Variants in EP400 observed in about 807,000 individuals in gnomAD.
EP400 encodes E1A binding protein p400.
In EP400, 105 loss-of-function variants were observed where a neutral mutation model predicts 354.1. The ratio of observed to expected loss-of-function variants is 0.30; its 90% CI spans 0.25 to 0.35. The LOEUF (loss-of-function observed/expected upper bound fraction) is 0.35. Ranked by LOEUF, EP400 falls within the 10% of genes least tolerant of loss-of-function variation. The pLI, the probability that EP400 is intolerant of heterozygous loss-of-function variation, is 1.00. For synonymous variants in EP400, 1,646 were observed against 1,716.9 expected (o/e 0.96, Z 1.02); for missense variants, 3,280 against 4,121.0 (o/e 0.80, Z 5.59).
chr12:131,952,302 C>CAAAAAAAAAA (rs927214848), intron 1 of EP400, among the ~76,000 whole-genome samples: 11 of 47,032 alleles, frequency 2.3e-4, no homozygotes, highest in East Asian at 7.5e-4. Context: ...GACTCTGTCT[C>CAAAAAAAAAA]AAAAAAAAAA....
intron 45 of EP400, among the ~76,000 whole-genome samples, chr12:132,056,130 G>T (rs561374218): frequency 1.3e-5 from 2 of 152,108 alleles, no homozygotes; most frequent in East Asian, 3.9e-4. Flanking sequence ...CTTCTCTTGG[G>T]TGTTTCATCA....
intron 11 of EP400, among the ~76,000 whole-genome samples, 158 bp downstream of exon 11, chr12:131,992,388 T>C (rs1264984121): frequency 6.6e-6 from 1 of 152,218 alleles, no homozygotes; most frequent in Admixed American, 6.5e-5. Context: ...AGAGTACTTT[T>C]TGTATCTCTA....
Position 131,990,314 on chromosome 12 carries a change from G to C in EP400, c.2550+210G>C, listed in dbSNP as rs1892991073. Among the ~76,000 whole-genome samples the C allele has an allele frequency of 6.6e-6, 1 of 152,232 alleles. No homozygotes were observed. Among genetic ancestry groups the C allele is most frequent in the South Asian group, 2.1e-4 (1 of 4,824 alleles). On this transcript the variant is annotated intron_variant, in intron 8 of 52. Coordinates refer to ENST00000389561, the MANE Select transcript of EP400 (RefSeq NM_015409.5). The surrounding 1 kb of genome is among the most constrained non-coding windows in gnomAD (Gnocchi z 4.2). ...CTTGCACAGGGGATGCACCTCAGCT[G>C]TGGCTGCCCTCTGAGGTGCTTCATG...
intron 51 of EP400, 116 bp downstream of exon 51, chr12:132,069,757 C>T (rs376064712): frequency 6.9e-7 from 1 of 1,452,424 alleles, no homozygotes. Context: ...GGGTGGTGCA[C>T]TGGAGGGAAG....
At chr12:131,980,820 G>C (rs188538017) in intron 3 of EP400, among the ~76,000 whole-genome samples, 1 of 152,246 alleles carries the variant, frequency 6.6e-6, no homozygotes, top group East Asian at 1.9e-4. Context: ...CCAAAGTGCT[G>C]GGATTATAAG....
In EP400 at chr12:132,027,892, C is replaced by G; in HGVS notation, c.5110-125C>G. ...ATTTCTATCTCTATTTCCTGTAACA[C>G]AAGACCGGGGATATTGAAGTGGATC... On this transcript the variant is annotated intron_variant, in intron 26 of 52. Transcript: ENST00000389561. The surrounding 1 kb of genome is among the most constrained non-coding windows in gnomAD (Gnocchi z 4.9). The G allele has an allele frequency of 9.7e-7, 1 of 1,030,234 alleles. No homozygotes were observed. Among genetic ancestry groups the G allele is most frequent in the Non-Finnish European group, 1.4e-6 (1 of 711,102 alleles). The allele number at this position is 1,030,234 out of a possible 1,614,324, so 63.8% of individuals were successfully genotyped here. A position where few individuals can be genotyped will look rare whatever the true frequency, so the allele number is the denominator to read the frequency against.
chr12:131,990,741 C>G lies in EP400; in HGVS notation c.2629+27C>G. 2 of 1,535,918 alleles carry G rather than the reference C, an allele frequency of 1.3e-6. No homozygotes were observed. The highest frequency in any genetic ancestry group is 1.8e-6 in the Non-Finnish European group (2 of 1,118,184). The stretch of plus-strand genomic sequence containing the variant: ...TAGGACCCTTTAAAAAAAGGCTCAC[C>G]ACGCTTGGGTGGTATTTTGTTCGGA... On this transcript the variant is annotated intron_variant, in intron 9 of 52. Coordinates refer to ENST00000389561, the MANE Select transcript of EP400 (RefSeq NM_015409.5). This position sits in a 1 kb window ranked among gnomAD's most constrained non-coding sequence, Gnocchi z 4.2.
At position 131,988,478 on chromosome 12, in the gene EP400, A is replaced by G. The variant is rs1365952876; in HGVS notation, c.2409+588A>G. ...GTTAGAAGGCACCTGGTATCAGTCA[A>G]GGGACAGCAAGGGGCTGTCCTAGGC... On this transcript the variant is annotated intron_variant, in intron 7 of 52. Coordinates refer to ENST00000389561, the MANE Select transcript of EP400 (RefSeq NM_015409.5). Among the ~76,000 whole-genome samples, 5 of 152,200 alleles carry G rather than the reference A, an allele frequency of 3.3e-5. No individual in the cohort carries two copies. In the South Asian group the frequency reaches 6.2e-4, roughly 19 times the overall value.
At chr12:131,952,399 G>A (rs1028180651) in intron 1 of EP400, among the ~76,000 whole-genome samples, 8 of 151,528 alleles carry the variant, frequency 5.3e-5, no homozygotes, top group African/African-American at 9.7e-5. Context: ...CACCCACTTC[G>A]GCCTCCCAAA....
chr12:131,952,804 C>T lies in EP400; in HGVS notation c.-36+2768C>T, dbSNP rs191017630. On this transcript the variant is annotated intron_variant, in intron 1 of 52. Coordinates refer to ENST00000389561, the MANE Select transcript of EP400 (RefSeq NM_015409.5). ...CCTTGGTGTGAACGTACCGGTTTGT[C>T]TGTTGCCCGCTGATGGACCATTTGG... 1.7e-4 allele frequency among the ~76,000 whole-genome samples: 26 copies of T among 152,238 alleles called. 2 individuals are homozygous for T. Among genetic ancestry groups the T allele is most frequent in the Non-Finnish European group, 7.4e-5 (5 of 68,014 alleles).
intron 51 of EP400, among the ~76,000 whole-genome samples, chr12:132,074,050 G>A (rs573184179): frequency 7.8e-5 from 11 of 141,860 alleles, no homozygotes; most frequent in Admixed American, 2.9e-4. Flanking sequence ...TCAGCCTCCC[G>A]AGTAGCTGGG....
intron 29 of EP400, among the ~76,000 whole-genome samples, chr12:132,031,044 A>C (rs988145086): frequency 6.6e-6 from 1 of 151,496 alleles, no homozygotes; most frequent in African/African-American, 2.4e-5. Flanking sequence ...TGATTTAACA[A>C]GTTTTCTTGG....
At chr12:131,975,474 C>G (rs1892441417) in intron 2 of EP400, among the ~76,000 whole-genome samples, 2 of 152,272 alleles carry the variant, frequency 1.3e-5, no homozygotes, top group South Asian at 4.1e-4. Flanking sequence ...TTCCTGGAGT[C>G]TTGGGGCGTG....
chr12:132,014,001 C>T (rs1893844266), intron 19 of EP400, 88 bp downstream of exon 19: 4 of 1,547,630 alleles, frequency 2.6e-6, no homozygotes, highest in Admixed American at 2.0e-5. Context: ...CAGAAAGCTC[C>T]TTTCCGCAAG....
At chr12:131,993,012 A>G (rs1002277315) in intron 11 of EP400, among the ~76,000 whole-genome samples, 1 of 152,220 alleles carries the variant, frequency 6.6e-6, no homozygotes, top group African/African-American at 2.4e-5. Context: ...GGCAGTATTC[A>G]GTTCTGCTGC....
intron 2 of EP400, among the ~76,000 whole-genome samples, chr12:131,978,222 G>C (rs1401130279): frequency 6.6e-6 from 1 of 152,190 alleles, no homozygotes; most frequent in Non-Finnish European, 1.5e-5. Context: ...AGGAACAAGA[G>C]ATTTTTAAAC....
At position 132,025,948 on chromosome 12, in the gene EP400, G is replaced by GC; in HGVS notation, c.5014+144_5014+145insC. On this transcript the variant is annotated intron_variant, in intron 25 of 52. Coordinates refer to ENST00000389561, the MANE Select transcript of EP400 (RefSeq NM_015409.5). This position sits in a 1 kb window ranked among gnomAD's most constrained non-coding sequence, Gnocchi z 4.1. ...GTGGCCATCTCTGATTTCTATAGAT[G>GC]TGTCCTAGTGTCAGCCTGATTTATT... The GC allele has an allele frequency of 1.0e-6, 1 of 972,656 alleles. No homozygotes were observed. Among genetic ancestry groups the GC allele is most frequent in the African/African-American group, 1.7e-5 (1 of 59,664 alleles). 60.3% of individuals were successfully genotyped at this position (972,656 alleles called of 1,614,324 possible). A position where few individuals can be genotyped will look rare whatever the true frequency, so the allele number is the denominator to read the frequency against.
rs118150323 is a variant in EP400 at position 132,049,943 on chromosome 12, G to A, written c.7201-380G>A. Among the ~76,000 whole-genome samples the A allele has an allele frequency of 7.1e-3, 1,088 of 152,344 alleles. 35 individuals carry two copies. The South Asian group carries it at 0.094, about 13-fold the overall frequency. ...GTGGGCAGATGACAGTGTTGTCCGT[G>A]GCAGTCCGCGCTGCCCCTTGGTGTT... is the stretch of plus-strand genomic sequence containing the variant. On this transcript the variant is annotated intron_variant, in intron 39 of 52. Transcript: ENST00000389561.
chr12:132,004,997 T>G, intron 12 of EP400, 80 bp from the exon 13 acceptor site: 1 of 1,112,128 alleles, frequency 9.0e-7, no homozygotes, highest in South Asian at 1.3e-5. Context: ...ACCGTGGTTC[T>G]CCTGGCTGCT....
Sources: gnomAD v4.1 joint callset for allele counts (sites outside exome capture counted in the v4.1 genomes callset) on GRCh38, gnomAD v4.1.1 for gene constraint, Gnocchi (gnomAD v3.1) non-coding constraint, MANE v1.5 for transcripts, NCBI Gene and HGNC (gene_info 2026-07-23, HGNC 2026-07-21) for gene names.